The following MBOAT2 variants were observed in gnomAD, a reference collection of about 807,000 sequenced individuals.
MBOAT2 encodes membrane-bound glycerophospholipid O-acyltransferase 2.
MBOAT2 carries 28 observed loss-of-function variants against 63.4 expected under a neutral mutation model. The ratio of observed to expected loss-of-function variants is 0.44; its 90% confidence interval spans 0.33 to 0.61. The LOEUF is 0.61. MBOAT2 is among the 20% of genes least tolerant of loss of function. The probability of loss-of-function intolerance (pLI) is 0.03; values close to 1 mark genes in which losing one functional copy is unlikely to be tolerated. For missense variants in MBOAT2, 470 were observed against 605.8 expected, an observed-to-expected ratio of 0.78 and a Z score of 2.35; for synonymous variants, 211 against 215.6, an observed-to-expected ratio of 0.98 and a Z score of 0.19.
chr2:8,919,947 T>A (rs746945438), intron 3 of MBOAT2, among the ~76,000 whole-genome samples: 5 of 152,134 alleles, frequency 3.3e-5, no homozygotes, highest in Middle Eastern at 3.4e-3. Context: ...CAACTTTTTT[T>A]AAAAGATGGT....
intron 3 of MBOAT2, among the ~76,000 whole-genome samples, chr2:8,917,539 T>G (rs765877757): frequency 1.6e-4 from 24 of 152,236 alleles, no homozygotes; most frequent in South Asian, 1.2e-3. Flanking sequence ...TAATGAAATA[T>G]CACCATATCT....
rs962944065 is a variant in MBOAT2, at chr2:8,853,377, T to C, written c.*5302A>G. 1.3e-5 allele frequency: 2 copies of C among 152,268 alleles called. No homozygotes were observed. The highest frequency in any genetic ancestry group is 2.9e-5 in the Non-Finnish European group (2 of 68,006). 9.4% of individuals were successfully genotyped at this position (152,268 alleles called of 1,614,324 possible). A position where few individuals can be genotyped will look rare whatever the true frequency, so the allele number is the denominator to read the frequency against. ...TGCGCAGAACCAAAAATACATAAAA[T>C]TGGGAAAGAGGCATATTTAAAAAGT... On this transcript the variant is annotated 3_prime_UTR_variant, in exon 13 of 13. Coordinates refer to ENST00000305997, the MANE Select transcript of MBOAT2 (RefSeq NM_138799.4).
intron 3 of MBOAT2, among the ~76,000 whole-genome samples, chr2:8,926,686 G>T (rs573335903): frequency 2.7e-4 from 41 of 152,342 alleles, no homozygotes; most frequent in Admixed American, 2.4e-3. Flanking sequence ...AGCTAACAGA[G>T]TCTGAAGCAG....
At chr2:8,975,057 G>A (rs1266769766) in intron 1 of MBOAT2, among the ~76,000 whole-genome samples, 1 of 152,004 alleles carries the variant, frequency 6.6e-6, no homozygotes, top group Non-Finnish European at 1.5e-5. Context: ...TACCAACTGG[G>A]GAAAGTGCTT....
chr2:8,971,791 CT>C (rs1670474737), intron 1 of MBOAT2, among the ~76,000 whole-genome samples: 2 of 152,082 alleles, frequency 1.3e-5, no homozygotes, highest in African/African-American at 4.8e-5. Context: ...AATAAAGTAC[CT>C]AGGAATCCAA....
At chr2:8,928,490 T>G (rs187134561) in intron 3 of MBOAT2, among the ~76,000 whole-genome samples, 412 of 152,218 alleles carry the variant, frequency 2.7e-3, no homozygotes, top group African/African-American at 9.6e-3. Context: ...GTTCTTAAAT[T>G]TTTTGGTCTC....
intron 7 of MBOAT2, among the ~76,000 whole-genome samples, chr2:8,875,263 C>T (rs568361747): frequency 7.9e-5 from 12 of 151,980 alleles, no homozygotes; most frequent in African/African-American, 2.7e-4. Flanking sequence ...AGTATATGCA[C>T]GTGAAATTTA....
intron 3 of MBOAT2, among the ~76,000 whole-genome samples, chr2:8,914,968 T>G (rs1213556273): frequency 4.9e-5 from 6 of 121,384 alleles, no homozygotes; most frequent in Non-Finnish European, 9.7e-5. Context: ...TGAGATGGAG[T>G]CTTGCTGTCA....
At chr2:8,964,697 T>C (rs954639579) in intron 1 of MBOAT2, among the ~76,000 whole-genome samples, 9 of 152,232 alleles carry the variant, frequency 5.9e-5, no homozygotes, top group African/African-American at 2.2e-4. Context: ...ATTGCTCTCC[T>C]AATTATTTAT....
intron 4 of MBOAT2, among the ~76,000 whole-genome samples, chr2:8,902,776 T>C (rs920725820): frequency 1.3e-5 from 2 of 152,118 alleles, no homozygotes; most frequent in Non-Finnish European, 2.9e-5. Flanking sequence ...CTCATAAAGG[T>C]GGCGGGGACC....
intron 5 of MBOAT2, among the ~76,000 whole-genome samples, chr2:8,884,691 C>G (rs1218307932): frequency 2.6e-4 from 40 of 152,136 alleles, no homozygotes; most frequent in Non-Finnish European, 1.9e-4. Context: ...GCCTCTACAC[C>G]AGTTCAGTCT....
Position 8,918,123 on chromosome 2 carries a change from A to G in MBOAT2, c.300-9407T>C, listed in dbSNP as rs997767553. ...CTTTTAGGGACAAGTGAAATGTGCT[A>G]TATCTAGATTTAGGGTGGAAGTCAC... On this transcript the variant is annotated intron_variant, in intron 3 of 12. Coordinates refer to ENST00000305997, the MANE Select transcript of MBOAT2 (RefSeq NM_138799.4). 9.2e-5 allele frequency among the ~76,000 whole-genome samples: 14 copies of G among 152,360 alleles called. 2 individuals are homozygous for G. In the South Asian group the frequency reaches 1.2e-3, roughly 14 times the overall value.
chr2:8,884,669 G>T (rs1276755121), intron 5 of MBOAT2, among the ~76,000 whole-genome samples: 1 of 152,136 alleles, frequency 6.6e-6, no homozygotes, highest in East Asian at 1.9e-4. Flanking sequence ...CCAAGTGTTT[G>T]GCATAGGGTG....
intron 2 of MBOAT2, among the ~76,000 whole-genome samples, chr2:8,948,447 G>C (rs531063744): frequency 9.2e-5 from 14 of 152,270 alleles, no homozygotes; most frequent in Non-Finnish European, 1.3e-4. Context: ...CCCAGGTACT[G>C]AGCATAGTAC....
intron 1 of MBOAT2, among the ~76,000 whole-genome samples, chr2:8,997,897 T>G (rs1488066001): frequency 6.6e-6 from 1 of 152,230 alleles, no homozygotes; most frequent in Non-Finnish European, 1.5e-5. Flanking sequence ...AAACCTACAT[T>G]AGCTGCAATT....
chr2:8,911,219 G>C (rs923529005), intron 3 of MBOAT2, among the ~76,000 whole-genome samples: 4 of 152,154 alleles, frequency 2.6e-5, no homozygotes, highest in Non-Finnish European at 4.4e-5. Context: ...AAAAAGAACT[G>C]TACTTGAGGA....
At chr2:8,906,517 G>T (rs1287433539) in intron 4 of MBOAT2, among the ~76,000 whole-genome samples, 1 of 152,192 alleles carries the variant, frequency 6.6e-6, no homozygotes, top group Non-Finnish European at 1.5e-5. Flanking sequence ...ATGACTGTGT[G>T]GAGCAGAGAC....
At chr2:8,982,294 C>G (rs1671251196) in intron 1 of MBOAT2, among the ~76,000 whole-genome samples, 2 of 152,248 alleles carry the variant, frequency 1.3e-5, no homozygotes, top group South Asian at 4.1e-4. Context: ...GAAAGCTGTA[C>G]TACACTTCAC....
In MBOAT2 at chr2:8,985,655, T is replaced by C. The variant is rs149506121; in HGVS notation, c.75+17885A>G. Among the ~76,000 whole-genome samples, 61 of 152,232 alleles carry C rather than the reference T, an allele frequency of 4.0e-4. 1 individual carries two copies. The highest frequency in any genetic ancestry group is 7.5e-4 in the Non-Finnish European group (51 of 68,008). On this transcript the variant is annotated intron_variant, in intron 1 of 12. Transcript: ENST00000305997. ...AAGCGTCATCCTTCAGTCTTCTCTTTTTCTCATAACCACATTCAATCCACC... is the reference window on the plus strand; with the variant it reads ...AAGCGTCATCCTTCAGTCTTCTCTTCTTCTCATAACCACATTCAATCCACC...
Sources: gnomAD v4.1 joint callset for allele counts (sites outside exome capture counted in the v4.1 genomes callset) on GRCh38, gnomAD v4.1.1 for gene constraint, MANE v1.5 for transcripts, NCBI Gene and HGNC (gene_info 2026-07-23, HGNC 2026-07-21) for gene names.